Variants in PLBD1 observed in about 807,000 individuals in gnomAD.
The protein encoded by PLBD1 is lysosomal leucine aminopeptidase.
In PLBD1, 60 loss-of-function variants were observed where a neutral mutation model predicts 63.0. The observed-to-expected ratio is 0.95, with a 90% CI of 0.77 to 1.18. The LOEUF (loss-of-function observed/expected upper bound fraction) is 1.18. Among genes scored for constraint, PLBD1 ranks in the 50% most tolerant of loss-of-function variants. PLBD1 has a pLI of 0.00. For missense variants in PLBD1, 598 were observed against 677.9 expected, an observed-to-expected ratio of 0.88 and a Z score of 1.31; for synonymous variants, 262 against 248.0, an observed-to-expected ratio of 1.06 and a Z score of -0.53.
In PLBD1 at chr12:14,520,066, G is replaced by A. The variant is rs145728570; in HGVS notation, c.845-8355C>T. 1.3e-3 allele frequency among the ~76,000 whole-genome samples: 198 copies of A among 152,302 alleles called. 1 individual carries two copies. Among genetic ancestry groups the A allele is most frequent in the African/African-American group, 4.6e-3 (190 of 41,566 alleles). On this transcript the variant is annotated intron_variant, in intron 6 of 10. Transcript: ENST00000240617. ...AATGTGGGAAATGCCAGGGAGCCCA[G>A]GGTAAAAACAGAAAGAAATGAGAAG...
At chr12:14,545,569 G>A (rs1218931966) in intron 2 of PLBD1, among the ~76,000 whole-genome samples, 2 of 152,268 alleles carry the variant, frequency 1.3e-5, no homozygotes, top group Middle Eastern at 3.4e-3. Flanking sequence ...TACAGTCCTC[G>A]TTCTGGTTTT....
intron 6 of PLBD1, among the ~76,000 whole-genome samples, chr12:14,518,952 C>T (rs1235931257): frequency 1.3e-5 from 2 of 151,858 alleles, no homozygotes; most frequent in African/African-American, 4.8e-5. Context: ...AAAAAAAATG[C>T]TCGTATCAAG....
intron 1 of PLBD1, 30 bp from the exon 2 acceptor site, chr12:14,553,442 G>A (rs1218292500): frequency 5.1e-6 from 8 of 1,558,404 alleles, no homozygotes; most frequent in African/African-American, 2.7e-5. Context: ...TGACAAAAAC[G>A]CCATTCAAAT....
intron 6 of PLBD1, among the ~76,000 whole-genome samples, chr12:14,524,268 T>G (rs1945400033): frequency 6.6e-6 from 1 of 152,072 alleles, no homozygotes; most frequent in African/African-American, 2.4e-5. Context: ...AACAATACTA[T>G]ATTATATATT....
intron 6 of PLBD1, among the ~76,000 whole-genome samples, chr12:14,518,685 TCTTC>T (rs1945353033): frequency 6.6e-6 from 1 of 152,200 alleles, no homozygotes; most frequent in African/African-American, 2.4e-5. Flanking sequence ...AATCCTTCTT[TCTTC>T]CTTCCTTCTT....
At chr12:14,545,949 A>G (rs996518780) in intron 2 of PLBD1, among the ~76,000 whole-genome samples, 1 of 152,162 alleles carries the variant, frequency 6.6e-6, no homozygotes, top group African/African-American at 2.4e-5. Context: ...TTAATACAAG[A>G]GCAAGAACAG....
intron 2 of PLBD1, among the ~76,000 whole-genome samples, chr12:14,544,448 A>G (rs1320687352): frequency 1.3e-5 from 2 of 152,274 alleles, no homozygotes; most frequent in Non-Finnish European, 2.9e-5. Context: ...TACTGGGATT[A>G]TAGGAGTGAG....
At chr12:14,513,780 GTTT>G (rs1237327068) in intron 6 of PLBD1, among the ~76,000 whole-genome samples, 2 of 140,404 alleles carry the variant, frequency 1.4e-5, no homozygotes, top group Admixed American at 7.2e-5. Context: ...CTAACTCTTA[GTTT>G]TTTTTTTTTT....
intron 10 of PLBD1, 86 bp from the exon 11 acceptor site, chr12:14,504,040 C>G: frequency 7.9e-7 from 1 of 1,269,728 alleles, no homozygotes; most frequent in Non-Finnish European, 1.1e-6. Context: ...CTCCCACTAC[C>G]AAAGTCACAA....
intron 1 of PLBD1, among the ~76,000 whole-genome samples, chr12:14,556,611 C>G (rs911123849): frequency 6.6e-6 from 1 of 151,200 alleles, no homozygotes; most frequent in East Asian, 2.0e-4. Context: ...TCAGGTGATC[C>G]GCCTGCCTCG....
intron 2 of PLBD1, among the ~76,000 whole-genome samples, chr12:14,545,259 GCCT>G (rs1277822578): frequency 2.6e-5 from 4 of 152,136 alleles, no homozygotes; most frequent in Admixed American, 2.6e-4. Flanking sequence ...CTATTTTGTG[GCCT>G]CCTTTCTACA....
In PLBD1 at chr12:14,536,531, A is replaced by T. The variant is rs771131724; in HGVS notation, c.699+39T>A. The T allele has an allele frequency of 4.5e-5, 72 of 1,606,302 alleles. No individual in the cohort carries two copies. In the South Asian group the frequency reaches 7.8e-4, roughly 17 times the overall value. ...TGGGCGCTATATAGAAAAAGTCTGT[A>T]TGAACCAGAACAAGGCAAAAGGAGC... is the stretch of plus-strand genomic sequence containing the variant. On this transcript the variant is annotated intron_variant, in intron 5 of 10. Coordinates refer to ENST00000240617, the MANE Select transcript of PLBD1 (RefSeq NM_024829.6).
chr12:14,514,606 A>G (rs1164105718), intron 6 of PLBD1, among the ~76,000 whole-genome samples: 2 of 152,240 alleles, frequency 1.3e-5, no homozygotes, highest in African/African-American at 2.4e-5. Flanking sequence ...TGCAAAAACT[A>G]TAGTTGAGGA....
chr12:14,518,008 G>A lies in PLBD1; in HGVS notation c.845-6297C>T, dbSNP rs553572121. ...CCAGCCTGGCCAACATGGTGAAACC[G>A]CGTCTCTACTAAAAATACAAAAATT... On this transcript the variant is annotated intron_variant, in intron 6 of 10. Transcript: ENST00000240617. Among the ~76,000 whole-genome samples, 10 of 152,102 alleles carry A rather than the reference G, an allele frequency of 6.6e-5. No homozygotes were observed. The South Asian group carries it at 8.3e-4, about 13-fold the overall frequency.
intron 2 of PLBD1, among the ~76,000 whole-genome samples, chr12:14,543,347 C>A (rs1945590325): frequency 6.6e-6 from 1 of 152,142 alleles, no homozygotes; most frequent in African/African-American, 2.4e-5. Context: ...CAAATTTTAA[C>A]TACCCATTGA....
intron 4 of PLBD1, among the ~76,000 whole-genome samples, chr12:14,538,527 C>T (rs901623523): frequency 2.6e-5 from 4 of 152,054 alleles, no homozygotes; most frequent in East Asian, 1.9e-4. Context: ...TTCCAACGTA[C>T]GGATGTATTA....
intron 6 of PLBD1, among the ~76,000 whole-genome samples, chr12:14,529,073 T>A (rs1485993517): frequency 6.6e-6 from 1 of 152,152 alleles, no homozygotes; most frequent in East Asian, 1.9e-4. Flanking sequence ...CTCACACCTG[T>A]AATCTCAGCA....
intron 9 of PLBD1, 24 bp downstream of exon 9, chr12:14,506,909 A>T (rs776145650): frequency 1.3e-6 from 2 of 1,596,864 alleles, no homozygotes; most frequent in Admixed American, 3.4e-5. Flanking sequence ...TTGAAGAATG[A>T]TTCTTGAGAA....
At chr12:14,508,782 G>T (rs1022197486) in intron 8 of PLBD1, among the ~76,000 whole-genome samples, 4 of 139,204 alleles carry the variant, frequency 2.9e-5, no homozygotes, top group South Asian at 4.7e-4. Context: ...AATAAATAAA[G>T]AAAATAGAGC....
Sources: allele counts gnomAD v4.1 joint callset (sites outside exome capture counted in the v4.1 genomes callset), GRCh38; gene constraint gnomAD v4.1.1; transcripts MANE v1.5; gene names NCBI Gene and HGNC (gene_info 2026-07-23, HGNC 2026-07-21).